Variants in ULK3 observed in about 807,000 individuals in gnomAD.
ULK3 encodes unc-51 like kinase 3.
A neutral mutation model predicts 69.4 loss-of-function variants in ULK3; 54 were observed. That is an observed-to-expected ratio of 0.78 (90% confidence interval 0.63 to 0.98). The LOEUF is 0.98. Among genes scored for constraint, ULK3 ranks in the 50% least tolerant of loss-of-function variants. ULK3 has a pLI of 0.00. For missense variants in ULK3, 558 were observed against 627.7 expected (o/e 0.89, Z 1.19); for synonymous variants, 240 against 254.5 (o/e 0.94, Z 0.54).
Position 74,843,062 on chromosome 15 carries a change from A to T in ULK3, c.44T>A (p.Ile15Asn). ...GWGPPRLDGF[I>N]LTERLGSGTY... ...GCCGCTGCCCAGGCGCTCGGTGAGG[A>T]TGAAGCCGTCCAGGCGCGGGGGACC... The change falls in exon 1 of 16, where the codon ATC becomes AAC. Residue 15 changes from isoleucine (I) to asparagine (N), a missense_variant. Coordinates refer to ENST00000440863, the MANE Select transcript of ULK3 (RefSeq NM_001099436.4). The T allele has an allele frequency of 6.7e-7, 1 of 1,485,970 alleles. No homozygotes were observed. The highest frequency in any genetic ancestry group is 1.4e-5 in the African/African-American group (1 of 69,538). The allele number at this position is 1,485,970 out of a possible 1,614,324, so 92.0% of individuals were successfully genotyped here.
Position 74,843,094 on chromosome 15 carries a change from G to A in ULK3, c.12C>T (p.Pro4=), listed in dbSNP as rs1035569411. The A allele has an allele frequency of 7.4e-7, 1 of 1,346,898 alleles. No individual in the cohort carries two copies. Among genetic ancestry groups the A allele is most frequent in the South Asian group, 2.1e-5 (1 of 48,274 alleles). 83.4% of individuals were successfully genotyped at this position (1,346,898 alleles called of 1,614,324 possible). The change falls in exon 1 of 16, where the codon CCC becomes CCT. Residue 4 remains proline (P), a synonymous_variant. Transcript: ENST00000440863. ...CGTCCAGGCGCGGGGGACCCCAGCC[G>A]GGCCCCGCCATTCCGGCCGCCTGCG... MAG[P]GWGPPRLDGF...
Position 74,842,528 on chromosome 15 carries a change from G to A in ULK3, c.103-108C>T, listed in dbSNP as rs774784571. 25 of 1,599,604 alleles carry A rather than the reference G, an allele frequency of 1.6e-5. No homozygotes were observed. Among genetic ancestry groups the A allele is most frequent in the Non-Finnish European group, 2.1e-5 (25 of 1,179,338 alleles). On this transcript the variant is annotated intron_variant, in intron 1 of 15. Transcript: ENST00000440863. The surrounding 1 kb of genome is among the most constrained non-coding windows in gnomAD (Gnocchi z 4.9). ...TGTTCCCCCACCCCGCCCCTCCCCG[G>A]GTCTACCTACTGCACACCAGCACCG...
chr15:74,837,668 A>C (rs1244396877), intron 14 of ULK3, 83 bp downstream of exon 14: 1 of 1,432,164 alleles, frequency 7.0e-7, no homozygotes, highest in African/African-American at 1.6e-5. Flanking sequence ...GCAGACATAC[A>C]CCAGCAGGGG....
At position 74,839,547 on chromosome 15, in the gene ULK3, C is replaced by A; in HGVS notation, c.852+11G>T. 3.2e-6 allele frequency: 5 copies of A among 1,551,474 alleles called. No homozygotes were observed. The highest frequency in any genetic ancestry group is 4.3e-6 in the Non-Finnish European group (5 of 1,149,734). Reference sequence around the variant, plus strand: ...ACCCTCAGCCCACCCCAGCCCCAGCCGTCTGCTCACTGCTCGCCCCAGACT... The same window carrying A: ...ACCCTCAGCCCACCCCAGCCCCAGCAGTCTGCTCACTGCTCGCCCCAGACT... On this transcript the variant is annotated intron_variant, in intron 7 of 15. Transcript: ENST00000440863.
Position 74,840,496 on chromosome 15 carries a change from A to G in ULK3, c.613+2T>C. ...GTGAGAAGCAGGGAAAAGAGGTCTC[A>G]CCATACAGGATGACCCCCATGGACC... On this transcript the variant is annotated splice_donor_variant, in intron 5 of 15. Coordinates refer to ENST00000440863, the MANE Select transcript of ULK3 (RefSeq NM_001099436.4). LOFTEE classifies it high-confidence loss of function. The G allele has an allele frequency of 6.2e-7, 1 of 1,604,178 alleles. No homozygotes were observed. The highest frequency in any genetic ancestry group is 2.2e-5 in the East Asian group (1 of 44,456).
intron 6 of ULK3, 119 bp from the exon 7 acceptor site, chr15:74,839,832 G>A (rs538763389): frequency 5.8e-5 from 78 of 1,337,238 alleles, no homozygotes; most frequent in Non-Finnish European, 7.3e-5. Context: ...ATCTGAGACC[G>A]AGGAGGAACA....
intron 9 of ULK3, 69 bp downstream of exon 9, chr15:74,838,941 C>T: frequency 1.3e-6 from 2 of 1,546,214 alleles, no homozygotes; most frequent in Admixed American, 3.9e-5. Context: ...GAGCCATTCC[C>T]CAGAGGCCCC....
At chr15:74,840,445 T>C in intron 5 of ULK3, 53 bp downstream of exon 5, 1 of 1,576,574 alleles carries the variant, frequency 6.3e-7, no homozygotes, top group East Asian at 2.3e-5. Context: ...AGAGAGGCCT[T>C]GCCTGAGGAA....
chr15:74,838,180 C>T lies in ULK3; in HGVS notation c.1259G>A (p.Gly420Asp). The T allele has an allele frequency of 1.3e-6, 2 of 1,564,064 alleles. No homozygotes were observed. The highest frequency in any genetic ancestry group is 1.7e-6 in the Non-Finnish European group (2 of 1,154,870). Reference sequence around the variant, plus strand: ...AGTGTGAAGCAGCTCCCGCCTCCGGCCCGGGGGCTCCGCTGTAAAGAGAGG... The same window carrying T: ...AGTGTGAAGCAGCTCCCGCCTCCGGTCCGGGGGCTCCGCTGTAAAGAGAGG... ...LLLLLAAEPP[G>D]RRRELLHTEV... Residue 420 changes from glycine to aspartate, a missense_variant, in exon 13 of 16, where the codon GGC becomes GAC. Gly to Asp is a moderately conservative substitution (Grantham distance 94, BLOSUM62 -1). Coordinates refer to ENST00000440863, the MANE Select transcript of ULK3 (RefSeq NM_001099436.4).
chr15:74,837,226 G>T lies in ULK3; in HGVS notation c.*2C>A, dbSNP rs2064043605. ...CACATCTGTCCAATCATTCTTCTAG[G>T]GTCACTGAAGGGTGCAAGCTACGGG... is the stretch of plus-strand genomic sequence containing the variant. On this transcript the variant is annotated 3_prime_UTR_variant, in exon 16 of 16. Transcript: ENST00000440863. 6.4e-7 allele frequency: 1 copy of T among 1,563,556 alleles called. No individual in the cohort carries two copies. The highest frequency in any genetic ancestry group is 8.7e-7 in the Non-Finnish European group (1 of 1,153,024).
At chr15:74,840,193 C>T (rs1488081302) in intron 6 of ULK3, 41 bp downstream of exon 6, 3 of 1,572,238 alleles carry the variant, frequency 1.9e-6, no homozygotes, top group Non-Finnish European at 2.6e-6. Context: ...GCCCTGACTC[C>T]CTCTGCCCCC....
At chr15:74,837,923 T>G in intron 13 of ULK3, 125 bp from the exon 14 acceptor site, 1 of 1,209,280 alleles carries the variant, frequency 8.3e-7, no homozygotes, top group South Asian at 1.4e-5. Flanking sequence ...ACTTGCCTCC[T>G]GAGTCCCTTA....
chr15:74,839,847 G>T, intron 6 of ULK3, 134 bp from the exon 7 acceptor site: 1 of 1,272,998 alleles, frequency 7.9e-7, no homozygotes, highest in Non-Finnish European at 1.1e-6. Context: ...GGAACAGGAT[G>T]GGTCAGGATG....
chr15:74,837,783 C>T lies in ULK3; in HGVS notation c.1303G>A (p.Ala435Thr), dbSNP rs1331730029. Residue 435 changes from alanine (A) to threonine (T), a missense_variant, in exon 14 of 16, where the codon GCC becomes ACC. Transcript: ENST00000440863. ...TGCTCCTTCAAGTATTCAGCTCGGG[C>T]CATGAGGTTCTGAACCTGCCAAGGA... Reference protein sequence around the residue: ...LLHTEVQNLMARAEYLKEQVK... With the variant: ...LLHTEVQNLMTRAEYLKEQVK... 6.3e-7 allele frequency: 1 copy of T among 1,598,008 alleles called. No individual in the cohort carries two copies. Among genetic ancestry groups the T allele is most frequent in the African/African-American group, 1.3e-5 (1 of 74,680 alleles).
Position 74,842,007 on chromosome 15 carries a change from G to A in ULK3, c.364+68C>T. 1 of 1,606,454 alleles carries A rather than the reference G, an allele frequency of 6.2e-7. No individual in the cohort carries two copies. Among genetic ancestry groups the A allele is most frequent in the Non-Finnish European group, 8.5e-7 (1 of 1,176,542 alleles). On this transcript the variant is annotated intron_variant, in intron 3 of 15. Coordinates refer to ENST00000440863, the MANE Select transcript of ULK3 (RefSeq NM_001099436.4). This position sits in a 1 kb window ranked among gnomAD's most constrained non-coding sequence, Gnocchi z 4.9. ...TGCGTGCCAAGGCTCTAAGCCTGGG[G>A]GAGGGGTGGGATGGTGGGGGGCAGA... is the stretch of plus-strand genomic sequence containing the variant.
intron 3 of ULK3, 82 bp from the exon 4 acceptor site, chr15:74,841,591 C>T (rs969754010): frequency 4.3e-6 from 5 of 1,158,476 alleles, no homozygotes; most frequent in Non-Finnish European, 6.4e-6. Flanking sequence ...CATCTGCCTC[C>T]TCAAGCCTGC....
In ULK3 at chr15:74,837,455, C is replaced by T; in HGVS notation, c.1336-20G>A. ...CCTCATCTGTGGGATGTGAAGGCAG[C>T]ACAAGGGATGAGAGGCAGACACACG... On this transcript the variant is annotated intron_variant, in intron 14 of 15. Coordinates refer to ENST00000440863, the MANE Select transcript of ULK3 (RefSeq NM_001099436.4). 1 of 1,605,738 alleles carries T rather than the reference C, an allele frequency of 6.2e-7. No individual in the cohort carries two copies. Among genetic ancestry groups the T allele is most frequent in the South Asian group, 1.1e-5 (1 of 89,868 alleles).
At chr15:74,839,817 G>A (rs904059922) in intron 6 of ULK3, 104 bp from the exon 7 acceptor site, 1 of 1,404,802 alleles carries the variant, frequency 7.1e-7, no homozygotes, top group East Asian at 2.5e-5. Flanking sequence ...TTGGACAGGT[G>A]GGGAATCTGA....
At chr15:74,840,424 A>G in intron 5 of ULK3, 74 bp downstream of exon 5, 1 of 1,568,424 alleles carries the variant, frequency 6.4e-7, no homozygotes, top group Non-Finnish European at 8.6e-7. Context: ...AGAACCCTTC[A>G]GAAGTGGCCC....
Sources: allele counts gnomAD v4.1 joint callset, GRCh38; gene constraint gnomAD v4.1.1; non-coding constraint Gnocchi (gnomAD v3.1); transcripts MANE v1.5; gene names NCBI Gene and HGNC (gene_info 2026-07-23, HGNC 2026-07-21).